CYTH3: variants seen among roughly 807,000 people sequenced by gnomAD.
CYTH3 encodes the protein cytohesin 3, also known as cytohesin-3.
In CYTH3, 23 loss-of-function variants were observed where a neutral mutation model predicts 55.1. That is an observed-to-expected ratio of 0.42 (90% CI 0.30 to 0.59). CYTH3 has a LOEUF of 0.59. CYTH3 is among the 20% of genes least tolerant of loss of function. The pLI is 0.20. For synonymous variants in CYTH3, 249 were observed against 194.9 expected (o/e 1.28, Z -2.31); for missense variants, 413 against 524.8 (o/e 0.79, Z 2.08).
chr7:6,199,945 A>C (rs1329991599), intron 1 of CYTH3, among the ~76,000 whole-genome samples: 1 of 152,238 alleles, frequency 6.6e-6, no homozygotes, highest in Non-Finnish European at 1.5e-5. Flanking sequence ...AGGTGTATAT[A>C]TAAATCCTAA....
At position 6,179,478 on chromosome 7, in the gene CYTH3, T is replaced by C. The variant is rs114979036; in HGVS notation, c.250-1537A>G. 8.5e-3 allele frequency among the ~76,000 whole-genome samples: 1,296 copies of C among 152,148 alleles called. 17 individuals are homozygous for C. The highest frequency in any genetic ancestry group is 0.03 in the African/African-American group (1,236 of 41,490). ...CTGTACATTTAGAATTTGTGCACCA[T>C]GTTTTAATGTTATTCTCCAGAAAAA... is the stretch of plus-strand genomic sequence containing the variant. On this transcript the variant is annotated intron_variant, in intron 4 of 12. Transcript: ENST00000350796.
intron 1 of CYTH3, among the ~76,000 whole-genome samples, chr7:6,201,855 T>A (rs904311282): frequency 1.3e-5 from 2 of 151,412 alleles, no homozygotes; most frequent in Non-Finnish European, 2.9e-5. Context: ...AATGCCCAAA[T>A]TGGGAAAGGG....
In CYTH3 at chr7:6,167,380, C is replaced by G. The variant is rs950415646; in HGVS notation, c.824-1570G>C. 6.6e-6 allele frequency among the ~76,000 whole-genome samples: 1 copy of G among 152,168 alleles called. No individual in the cohort carries two copies. The highest frequency in any genetic ancestry group is 2.4e-5 in the African/African-American group (1 of 41,434). ...GACAGGAGGACAGTGCTGATTCCTT[C>G]CAGGCACTTGCTCCAGCTTGAACTG... On this transcript the variant is annotated intron_variant, in intron 9 of 12. Coordinates refer to ENST00000350796, the MANE Select transcript of CYTH3 (RefSeq NM_004227.4). The surrounding 1 kb of genome is among the most constrained non-coding windows in gnomAD (Gnocchi z 5.5).
chr7:6,190,345 G>C (rs898869988), intron 2 of CYTH3, 104 bp downstream of exon 2: 1 of 876,184 alleles, frequency 1.1e-6, no homozygotes, highest in Non-Finnish European at 1.6e-6. Context: ...TTTGTTTTTG[G>C]GTTTTTTTTT....
At chr7:6,193,648 G>T (rs573788810) in intron 1 of CYTH3, among the ~76,000 whole-genome samples, 1 of 152,182 alleles carries the variant, frequency 6.6e-6, no homozygotes, top group Non-Finnish European at 1.5e-5. Context: ...CGTAACTCTG[G>T]AGGGGGCTGT....
chr7:6,184,040 CCT>C (rs986983224), intron 4 of CYTH3, among the ~76,000 whole-genome samples: 2 of 149,154 alleles, frequency 1.3e-5, no homozygotes, highest in Non-Finnish European at 3.0e-5. Flanking sequence ...TTACGCACCC[CCT>C]CTGTGGCTTT....
At chr7:6,267,071 C>A (rs1012545295) in intron 1 of CYTH3, among the ~76,000 whole-genome samples, 1 of 152,186 alleles carries the variant, frequency 6.6e-6, no homozygotes, top group Non-Finnish European at 1.5e-5. Context: ...CGTTTAAGGG[C>A]GTGGCATCTC....
intron 6 of CYTH3, chr7:6,172,829 G>A (rs947705641): frequency 4.0e-5 from 51 of 1,282,612 alleles, no homozygotes; most frequent in African/African-American, 1.1e-4. Context: ...AACTCTCAGC[G>A]CACTGTTCAG....
intron 1 of CYTH3, among the ~76,000 whole-genome samples, chr7:6,230,619 G>A (rs1779367493): frequency 6.6e-6 from 1 of 152,150 alleles, no homozygotes; most frequent in South Asian, 2.1e-4. Flanking sequence ...ACTAGACACA[G>A]CAAGTTTCAT....
chr7:6,174,685 C>T (rs1331631615), intron 5 of CYTH3, among the ~76,000 whole-genome samples: 1 of 151,644 alleles, frequency 6.6e-6, no homozygotes, highest in South Asian at 2.1e-4. Context: ...GTAGCTGGGA[C>T]TACAGGCACC....
chr7:6,193,328 G>C (rs1348953816), intron 1 of CYTH3, among the ~76,000 whole-genome samples: 1 of 148,634 alleles, frequency 6.7e-6, no homozygotes, highest in Non-Finnish European at 1.5e-5. Context: ...ACTGAGCCAA[G>C]ATCGTGCCAC....
intron 1 of CYTH3, among the ~76,000 whole-genome samples, chr7:6,265,060 C>G (rs1196954363): frequency 6.6e-6 from 1 of 152,152 alleles, no homozygotes; most frequent in Non-Finnish European, 1.5e-5. Flanking sequence ...ACTACAGGGG[C>G]AGCAAGTGCA....
Position 6,169,184 on chromosome 7 carries a change from A to C in CYTH3, c.823+1351T>G, listed in dbSNP as rs1783098667. On this transcript the variant is annotated intron_variant, in intron 9 of 12. Transcript: ENST00000350796. The surrounding 1 kb of genome is among the most constrained non-coding windows in gnomAD (Gnocchi z 4.1). ...GGACTCACACCCTTTCCACCAGCTGAGGAGGCCTGTGCCCGTCACACCGTG... is the reference window on the plus strand; with the variant it reads ...GGACTCACACCCTTTCCACCAGCTGCGGAGGCCTGTGCCCGTCACACCGTG... Among the ~76,000 whole-genome samples, 1 of 151,140 alleles carries C rather than the reference A, an allele frequency of 6.6e-6. No homozygotes were observed. Among genetic ancestry groups the C allele is most frequent in the Non-Finnish European group, 1.5e-5 (1 of 68,028 alleles).
chr7:6,235,595 T>A (rs1779501177), intron 1 of CYTH3, among the ~76,000 whole-genome samples: 1 of 152,146 alleles, frequency 6.6e-6, no homozygotes. Flanking sequence ...CCTAACTCCG[T>A]ACTTCTCAGA....
rs1019301020 is a variant in CYTH3 at position 6,252,539 on chromosome 7, T to C, written c.34+19935A>G. Among the ~76,000 whole-genome samples, 7 of 152,272 alleles carry C rather than the reference T, an allele frequency of 4.6e-5. No individual in the cohort carries two copies. In the South Asian group the frequency reaches 8.3e-4, roughly 18 times the overall value. ...TTGAATACTTTTAGAGGAGTGTCAT[T>C]TTTTTTCCCACCCTGCCCTTTCCTT... On this transcript the variant is annotated intron_variant, in intron 1 of 12. Coordinates refer to ENST00000350796, the MANE Select transcript of CYTH3 (RefSeq NM_004227.4).
At chr7:6,208,615 T>A (rs1784253260) in intron 1 of CYTH3, among the ~76,000 whole-genome samples, 1 of 152,208 alleles carries the variant, frequency 6.6e-6, no homozygotes, top group African/African-American at 2.4e-5. Flanking sequence ...CCAATCATAG[T>A]TCACCACAGC....
chr7:6,179,039 C>T (rs985056909), intron 4 of CYTH3, among the ~76,000 whole-genome samples: 8 of 152,226 alleles, frequency 5.3e-5, no homozygotes, highest in Non-Finnish European at 1.0e-4. Flanking sequence ...TACCCAAGAC[C>T]AGGGCTGCCT....
In CYTH3 at chr7:6,163,087, T is replaced by G. The variant is rs1782886207; in HGVS notation, c.*1857A>C. Reference sequence around the variant, plus strand: ...TAAAACTTCCGATTTGAGGTATCAGTAACAAAGCCTAAGAACGTGGGAATG... The same window carrying G: ...TAAAACTTCCGATTTGAGGTATCAGGAACAAAGCCTAAGAACGTGGGAATG... On this transcript the variant is annotated 3_prime_UTR_variant, in exon 13 of 13. Coordinates refer to ENST00000350796, the MANE Select transcript of CYTH3 (RefSeq NM_004227.4). The G allele has an allele frequency of 6.6e-6, 1 of 152,670 alleles. No individual in the cohort carries two copies. The highest frequency in any genetic ancestry group is 2.4e-5 in the African/African-American group (1 of 41,472). The allele number at this position is 152,670 out of a possible 1,614,324, so 9.5% of individuals were successfully genotyped here. A position where few individuals can be genotyped will look rare whatever the true frequency, so the allele number is the denominator to read the frequency against.
intron 1 of CYTH3, among the ~76,000 whole-genome samples, chr7:6,255,388 G>C (rs920233830): frequency 6.6e-6 from 1 of 152,178 alleles, no homozygotes; most frequent in South Asian, 2.1e-4. Flanking sequence ...TGGCTGACCT[G>C]ATATAGCAAA....
Sources: allele counts gnomAD v4.1 joint callset (sites outside exome capture counted in the v4.1 genomes callset), GRCh38; gene constraint gnomAD v4.1.1; non-coding constraint Gnocchi (gnomAD v3.1); transcripts MANE v1.5; gene names NCBI Gene and HGNC (gene_info 2026-07-23, HGNC 2026-07-21).